The following RHBDL3 variants were observed in gnomAD, a reference collection of about 807,000 sequenced individuals.
RHBDL3 encodes rhomboid like 3.
A neutral mutation model predicts 48.2 loss-of-function variants in RHBDL3; 28 were observed. The ratio of observed to expected loss-of-function variants is 0.58; its 90% CI spans 0.43 to 0.80. RHBDL3 has a LOEUF of 0.80. Ranked by LOEUF, RHBDL3 falls within the 30% of genes least tolerant of loss-of-function variation. The probability of loss-of-function intolerance (pLI) is 0.00; values close to 1 mark genes in which losing one functional copy is unlikely to be tolerated. For synonymous variants in RHBDL3, 208 were observed against 232.3 expected (o/e 0.90, Z 0.95); for missense variants, 464 against 542.7 (o/e 0.85, Z 1.44).
Position 32,294,321 on chromosome 17 carries a change from T to C in RHBDL3, c.547T>C (p.Ser183Pro), listed in dbSNP as rs1472338824. Reference sequence around the variant, plus strand: ...TGCCTTTTTCCTCTACAATGGGGTGTCACTAGGTCAATTTGTACTGCAGGT... The same window carrying C: ...TGCCTTTTTCCTCTACAATGGGGTGCCACTAGGTCAATTTGTACTGCAGGT... ...EVAFFLYNGV[S>P]LGQFVLQVTH... The change falls in exon 5 of 9, where the codon TCA becomes CCA. Residue 183 changes from serine to proline, a missense_variant. Physicochemically the swap from Ser to Pro is moderately conservative, Grantham distance 74 (BLOSUM62 -1). Coordinates refer to ENST00000269051, the MANE Select transcript of RHBDL3 (RefSeq NM_138328.3). The C allele has an allele frequency of 1.2e-6, 2 of 1,614,010 alleles. No homozygotes were observed. Among genetic ancestry groups the C allele is most frequent in the Non-Finnish European group, 1.7e-6 (2 of 1,179,970 alleles).
Position 32,267,926 on chromosome 17 carries a change from G to A in RHBDL3, c.135+1G>A, listed in dbSNP as rs762083206. On this transcript the variant is annotated splice_donor_variant, in intron 2 of 8. Coordinates refer to ENST00000269051, the MANE Select transcript of RHBDL3 (RefSeq NM_138328.3). LOFTEE classifies it high-confidence loss of function. ...GCACTGGAAAGTCCTGTTTGATCAGGTATGTGAGCAGTTAACCCCCCATTT... is the reference window on the plus strand; with the variant it reads ...GCACTGGAAAGTCCTGTTTGATCAGATATGTGAGCAGTTAACCCCCCATTT... 4 of 1,609,096 alleles carry A rather than the reference G, an allele frequency of 2.5e-6. No individual in the cohort carries two copies. The Admixed American group carries it at 6.7e-5, about 27-fold the overall frequency.
chr17:32,303,221 C>T (rs924101768), intron 6 of RHBDL3, among the ~76,000 whole-genome samples: 5 of 152,178 alleles, frequency 3.3e-5, no homozygotes, highest in Non-Finnish European at 5.9e-5. Context: ...CTTGGTGGAC[C>T]GTGCTGGGGC....
intron 5 of RHBDL3, 45 bp from the exon 6 acceptor site, chr17:32,298,047 A>G: frequency 7.6e-7 from 1 of 1,312,994 alleles, no homozygotes; most frequent in Non-Finnish European, 1.1e-6. Context: ...TGAATGAATG[A>G]ATGAATGAAT....
At chr17:32,273,256 C>T (rs1713555586) in intron 2 of RHBDL3, among the ~76,000 whole-genome samples, 1 of 152,230 alleles carries the variant, frequency 6.6e-6, no homozygotes, top group African/African-American at 2.4e-5. Context: ...CCCGCCTTGG[C>T]CTCCCAAAGT....
intron 4 of RHBDL3, among the ~76,000 whole-genome samples, chr17:32,290,448 A>C (rs1283951317): frequency 1.3e-5 from 2 of 152,200 alleles, no homozygotes; most frequent in Non-Finnish European, 2.9e-5. Context: ...CCGAACCACC[A>C]ATCTAGAAGA....
At chr17:32,268,081 T>C (rs112773733) in intron 2 of RHBDL3, among the ~76,000 whole-genome samples, 156 bp downstream of exon 2, 14 of 152,216 alleles carry the variant, frequency 9.2e-5, no homozygotes, top group Middle Eastern at 3.4e-3. Flanking sequence ...ACGACACTGC[T>C]CTCCAGGTAT....
intron 4 of RHBDL3, among the ~76,000 whole-genome samples, chr17:32,292,646 A>G (rs1309997788): frequency 6.6e-6 from 1 of 152,048 alleles, no homozygotes; most frequent in African/African-American, 2.4e-5. Context: ...TCTACTAAAA[A>G]TACAAAAATT....
intron 2 of RHBDL3, among the ~76,000 whole-genome samples, chr17:32,268,579 G>A (rs1281290195): frequency 1.3e-5 from 2 of 152,162 alleles, no homozygotes; most frequent in East Asian, 3.8e-4. Context: ...TAGCATTCGT[G>A]GTGGGTGCTG....
intron 6 of RHBDL3, among the ~76,000 whole-genome samples, chr17:32,304,886 G>A (rs1567783559): frequency 6.6e-6 from 1 of 152,148 alleles, no homozygotes; most frequent in Admixed American, 6.5e-5. Context: ...GGAAGGCTGA[G>A]GCAAGAGGAT....
chr17:32,309,406 G>A (rs1346802366), intron 7 of RHBDL3, among the ~76,000 whole-genome samples: 1 of 151,992 alleles, frequency 6.6e-6, no homozygotes, highest in Non-Finnish European at 1.5e-5. Context: ...TACAAAATTA[G>A]CTGGGTGTGG....
chr17:32,283,523 C>T (rs113926553), intron 2 of RHBDL3, among the ~76,000 whole-genome samples: 17,958 of 151,680 alleles, frequency 0.12, 1,237 homozygotes, highest in Admixed American at 0.16. Context: ...CGGGGTTTCA[C>T]CGTGTTAGCC....
intron 3 of RHBDL3, among the ~76,000 whole-genome samples, chr17:32,287,001 G>T (rs922018393): frequency 7.2e-5 from 11 of 152,198 alleles, no homozygotes; most frequent in Admixed American, 2.6e-4. Flanking sequence ...TACTAAGTAT[G>T]AGTACCCGGG....
intron 7 of RHBDL3, among the ~76,000 whole-genome samples, chr17:32,312,842 C>T (rs2150751233): frequency 6.6e-6 from 1 of 152,124 alleles, no homozygotes; most frequent in Middle Eastern, 3.4e-3. Flanking sequence ...AAGGGTCTCA[C>T]TCTGTTGTCC....
chr17:32,308,263 C>T (rs534274510), intron 7 of RHBDL3, among the ~76,000 whole-genome samples: 286 of 152,268 alleles, frequency 1.9e-3, no homozygotes, highest in Non-Finnish European at 3.5e-3. Flanking sequence ...GTCCCCAGAG[C>T]ATGACACATG....
chr17:32,266,307 G>GC lies in RHBDL3; in HGVS notation c.111+12dup. ...GCCCGCGGCGCCGGAGGACGTGAGT[G>GC]CCCCCTCCCCGCCCGGCAAACTTTC... On this transcript the variant is annotated splice_region_variant and intron_variant, in intron 1 of 8. Transcript: ENST00000269051. The GC allele has an allele frequency of 7.0e-7, 1 of 1,426,984 alleles. No individual in the cohort carries two copies. The highest frequency in any genetic ancestry group is 9.2e-7 in the Non-Finnish European group (1 of 1,082,176). 88.4% of individuals were successfully genotyped at this position (1,426,984 alleles called of 1,614,324 possible).
intron 2 of RHBDL3, among the ~76,000 whole-genome samples, chr17:32,269,844 T>C (rs1252448380): frequency 6.6e-6 from 1 of 152,162 alleles, no homozygotes; most frequent in Non-Finnish European, 1.5e-5. Flanking sequence ...ACAAACCATT[T>C]GGGTGAAAGG....
Position 32,266,140 on chromosome 17 carries a change from C to A in RHBDL3, c.-50C>A, listed in dbSNP as rs1215187906. 5 of 713,876 alleles carry A rather than the reference C, an allele frequency of 7.0e-6. No homozygotes were observed. The South Asian group carries it at 2.0e-4, about 28-fold the overall frequency. The allele number at this position is 713,876 out of a possible 1,614,324, so 44.2% of individuals were successfully genotyped here. A position where few individuals can be genotyped will look rare whatever the true frequency, so the allele number is the denominator to read the frequency against. On this transcript the variant is annotated 5_prime_UTR_variant, in exon 1 of 9. Coordinates refer to ENST00000269051, the MANE Select transcript of RHBDL3 (RefSeq NM_138328.3). ...GCCGCGGCGCAAAGTTAGCCCGGCG[C>A]CCCGGGACGAGCCCCGCAGCCGCCG...
intron 2 of RHBDL3, among the ~76,000 whole-genome samples, chr17:32,274,543 C>A (rs1439693473): frequency 7.9e-5 from 12 of 152,092 alleles, no homozygotes; most frequent in Admixed American, 7.9e-4. Flanking sequence ...TCTCAGCAGC[C>A]CTGTGAGGTG....
intron 2 of RHBDL3, among the ~76,000 whole-genome samples, chr17:32,275,835 GAATCC>G (rs2039884077): frequency 6.6e-6 from 1 of 152,304 alleles, no homozygotes; most frequent in East Asian, 1.9e-4. Flanking sequence ...ATAAAACTGG[GAATCC>G]CAGAATCGTG....
Sources: allele counts gnomAD v4.1 joint callset (sites outside exome capture counted in the v4.1 genomes callset), GRCh38; gene constraint gnomAD v4.1.1; transcripts MANE v1.5; gene names NCBI Gene and HGNC (gene_info 2026-07-23, HGNC 2026-07-21).